RASSF8: variants seen among roughly 807,000 people sequenced by gnomAD.
The protein encoded by RASSF8 is ras association domain-containing protein 8.
Under a neutral mutation model 48.5 loss-of-function variants are expected in RASSF8, and 22 were observed. That is an observed-to-expected ratio of 0.45 (90% confidence interval 0.32 to 0.65). RASSF8 has a LOEUF of 0.65. Among genes scored for constraint, RASSF8 ranks in the 30% least tolerant of loss-of-function variants. RASSF8 has a pLI of 0.03. For synonymous variants in RASSF8, 127 were observed against 171.5 expected (o/e 0.74, Z 2.03); for missense variants, 418 against 489.2 (o/e 0.85, Z 1.37).
intron 2 of RASSF8, among the ~76,000 whole-genome samples, chr12:26,044,078 A>G (rs904358192): frequency 2.0e-5 from 3 of 152,230 alleles, no homozygotes; most frequent in East Asian, 1.9e-4. Context: ...ACTGCTAGGC[A>G]TGAACACTGT....
intron 2 of RASSF8, among the ~76,000 whole-genome samples, chr12:26,018,643 A>G (rs1994997): frequency 0.51 from 77,830 of 151,896 alleles, 20,230 homozygotes; most frequent in Non-Finnish European, 0.55. Context: ...AGGTGACCCT[A>G]TGTTGTTCTT....
At chr12:26,067,766 T>TTTTTTG (rs1943911455) in intron 5 of RASSF8, 53 bp downstream of exon 5, 2 of 1,604,028 alleles carry the variant, frequency 1.2e-6, no homozygotes, top group Admixed American at 1.7e-5. Context: ...CTGCTTAACT[T>TTTTTTG]TTTTTGTTTT....
At chr12:25,966,420 G>T (rs974221040) in intron 1 of RASSF8, among the ~76,000 whole-genome samples, 2 of 152,022 alleles carry the variant, frequency 1.3e-5, no homozygotes, top group African/African-American at 2.4e-5. Flanking sequence ...ATGTTGCCCA[G>T]GCTGGTCTTG....
chr12:26,074,760 A>C (rs1380291017), downstream of RASSF8, among the ~76,000 whole-genome samples: 1 of 152,038 alleles, frequency 6.6e-6, no homozygotes, highest in Non-Finnish European at 1.5e-5. Context: ...ACCCCAACCC[A>C]GTGTGTTGGA....
At position 26,068,858 on chromosome 12, in the gene RASSF8, A is replaced by G; in HGVS notation, c.*40A>G. The G allele has an allele frequency of 6.5e-7, 1 of 1,530,250 alleles. No homozygotes were observed. Among genetic ancestry groups the G allele is most frequent in the Non-Finnish European group, 8.7e-7 (1 of 1,143,288 alleles). 94.8% of individuals were successfully genotyped at this position (1,530,250 alleles called of 1,614,324 possible). A position where few individuals can be genotyped will look rare whatever the true frequency, so the allele number is the denominator to read the frequency against. On this transcript the variant is annotated 3_prime_UTR_variant, in exon 6 of 6. Coordinates refer to ENST00000689635, the MANE Select transcript of RASSF8 (RefSeq NM_001394098.1). ...AGGGAGGAGACCCAACAGAGGTACC[A>G]AGGACAGTAAACTTCCTTTTTGATT...
intron 3 of RASSF8, 125 bp downstream of exon 3, chr12:26,055,571 C>G: frequency 2.5e-6 from 2 of 799,124 alleles, no homozygotes; most frequent in Admixed American, 4.2e-5. Flanking sequence ...CTCACAGGCA[C>G]TCTTGTACTT....
intron 2 of RASSF8, among the ~76,000 whole-genome samples, chr12:26,043,954 C>T (rs1206702142): frequency 1.3e-5 from 2 of 152,080 alleles, no homozygotes; most frequent in African/African-American, 2.4e-5. Flanking sequence ...TCTTGATCTT[C>T]GAGGTGATTA....
chr12:25,970,625 A>G (rs932529494), intron 1 of RASSF8, among the ~76,000 whole-genome samples: 13 of 152,258 alleles, frequency 8.5e-5, no homozygotes, highest in African/African-American at 3.1e-4. Flanking sequence ...GACCTGCTAA[A>G]AGCCCAACCC....
At chr12:26,028,905 G>A (rs973372855) in intron 2 of RASSF8, among the ~76,000 whole-genome samples, 3 of 151,968 alleles carry the variant, frequency 2.0e-5, no homozygotes, top group Admixed American at 6.6e-5. Flanking sequence ...AGGAACCCTG[G>A]CTAATTTGCT....
At position 25,974,582 on chromosome 12, in the gene RASSF8, A is replaced by T. The variant is rs543291281; in HGVS notation, c.-203+15434A>T. On this transcript the variant is annotated intron_variant, in intron 1 of 5. Transcript: ENST00000689635. ...CCCAAGTTAGTTCTAAAGCAATCCC[A>T]GCATTTCCTAATGTAGAATCTGAAT... Among the ~76,000 whole-genome samples the T allele has an allele frequency of 4.9e-4, 75 of 152,098 alleles. No homozygotes were observed. In the Middle Eastern group the frequency reaches 0.014, roughly 28 times the overall value.
chr12:25,967,569 C>G (rs1941388042), intron 1 of RASSF8, among the ~76,000 whole-genome samples: 1 of 151,982 alleles, frequency 6.6e-6, no homozygotes, highest in Admixed American at 6.6e-5. Context: ...CAGGTGTAGC[C>G]TTGAAGAAGT....
intron 2 of RASSF8, among the ~76,000 whole-genome samples, chr12:26,031,101 G>A (rs1227359818): frequency 6.6e-6 from 1 of 152,096 alleles, no homozygotes; most frequent in Admixed American, 6.6e-5. Flanking sequence ...TTACAGTTAC[G>A]TAATGCCTGA....
chr12:25,990,303 A>G (rs922357553), intron 1 of RASSF8, among the ~76,000 whole-genome samples: 19 of 152,148 alleles, frequency 1.2e-4, no homozygotes, highest in African/African-American at 2.7e-4. Flanking sequence ...CTTTTTTCCA[A>G]ATCTCTTTGG....
intron 1 of RASSF8, among the ~76,000 whole-genome samples, chr12:25,991,538 A>G (rs1053064924): frequency 4.6e-5 from 7 of 151,986 alleles, no homozygotes; most frequent in African/African-American, 1.7e-4. Flanking sequence ...TCCATTTTGT[A>G]CGTAGTCTAC....
rs148281758 is a variant in RASSF8, at chr12:26,028,485, G to A, written c.-108-26751G>A. ...TGGTGCTACATGGAATAAATACTGT[G>A]CTTTGGAAGGTTGTAATTTCTTGGT... is the stretch of plus-strand genomic sequence containing the variant. On this transcript the variant is annotated intron_variant, in intron 2 of 5. Coordinates refer to ENST00000689635, the MANE Select transcript of RASSF8 (RefSeq NM_001394098.1). Among the ~76,000 whole-genome samples, 10 of 152,290 alleles carry A rather than the reference G, an allele frequency of 6.6e-5. No homozygotes were observed. In the East Asian group the frequency reaches 1.9e-3, roughly 29 times the overall value.
intron 5 of RASSF8, among the ~76,000 whole-genome samples, chr12:26,068,317 T>C (rs1450619624): frequency 6.6e-6 from 1 of 152,192 alleles, no homozygotes; most frequent in Non-Finnish European, 1.5e-5. Context: ...TGAGTTATAG[T>C]CTATTAATTT....
At chr12:26,040,124 TC>T (rs1373589137) in intron 2 of RASSF8, among the ~76,000 whole-genome samples, 2 of 152,260 alleles carry the variant, frequency 1.3e-5, no homozygotes, top group East Asian at 1.9e-4. Flanking sequence ...TTTTTAATAA[TC>T]TTTTTTTGCC....
chr12:26,023,784 AAG>A (rs1357695525), intron 2 of RASSF8, among the ~76,000 whole-genome samples: 3 of 152,196 alleles, frequency 2.0e-5, no homozygotes, highest in African/African-American at 7.2e-5. Context: ...ATTATAAAAA[AAG>A]TATAGATTTG....
chr12:26,026,299 A>G (rs755647424), intron 2 of RASSF8, among the ~76,000 whole-genome samples: 53 of 152,252 alleles, frequency 3.5e-4, no homozygotes, highest in Non-Finnish European at 7.5e-4. Context: ...AAAATTGACA[A>G]AGTATCTCAG....
Sources: allele counts gnomAD v4.1 joint callset (sites outside exome capture counted in the v4.1 genomes callset), GRCh38; gene constraint gnomAD v4.1.1; transcripts MANE v1.5; gene names NCBI Gene and HGNC (gene_info 2026-07-23, HGNC 2026-07-21).